ARHGEF10L: variants seen among roughly 807,000 people sequenced by gnomAD.
The protein encoded by ARHGEF10L is Rho guanine nucleotide exchange factor 10 like, also known as rho guanine nucleotide exchange factor 10-like protein.
ARHGEF10L carries 69 observed loss-of-function variants against 141.2 expected under a neutral mutation model. The ratio of observed to expected loss-of-function variants is 0.49; its 90% CI spans 0.40 to 0.60. The LOEUF (loss-of-function observed/expected upper bound fraction) is 0.60. Ranked by LOEUF, ARHGEF10L falls within the 20% of genes least tolerant of loss-of-function variation. The pLI is 0.00. For synonymous variants in ARHGEF10L, 711 were observed against 718.5 expected, an observed-to-expected ratio of 0.99 and a Z score of 0.17; for missense variants, 1,482 against 1,734.3, an observed-to-expected ratio of 0.85 and a Z score of 2.58.
intron 15 of ARHGEF10L, among the ~76,000 whole-genome samples, chr1:17,628,106 G>A (rs1025668356): frequency 2.0e-5 from 3 of 152,076 alleles, no homozygotes; most frequent in African/African-American, 7.2e-5. Context: ...GGGAGGCTGA[G>A]GCAGGCAGAT....
chr1:17,611,522 ATCTG>A (rs1184157795), intron 7 of ARHGEF10L, among the ~76,000 whole-genome samples: 2 of 151,002 alleles, frequency 1.3e-5, no homozygotes, highest in Non-Finnish European at 1.5e-5. Flanking sequence ...CAGGTGCCTC[ATCTG>A]TCTGTATATC....
chr1:17,527,808 G>A, the ARHGEF10L span, among the ~76,000 whole-genome samples: 4 of 151,746 alleles, frequency 2.6e-5, no homozygotes, highest in Non-Finnish European at 5.9e-5. Flanking sequence ...GTAGGTGACT[G>A]GGAGGCGAGG....
intron 19 of ARHGEF10L, 21 bp downstream of exon 19, chr1:17,638,024 T>A: frequency 6.4e-7 from 1 of 1,554,776 alleles, no homozygotes; most frequent in Non-Finnish European, 8.7e-7. Flanking sequence ...TGGCCTGACC[T>A]TTTTGGCCTG....
chr1:17,556,521 C>T (rs1247786117), intron 1 of ARHGEF10L, among the ~76,000 whole-genome samples: 1 of 152,142 alleles, frequency 6.6e-6, no homozygotes, highest in East Asian at 1.9e-4. Flanking sequence ...TTGGCCACAC[C>T]CTGGTTTGCT....
At chr1:17,557,421 C>T (rs768943454) in intron 1 of ARHGEF10L, among the ~76,000 whole-genome samples, 19 of 152,064 alleles carry the variant, frequency 1.2e-4, no homozygotes, top group Non-Finnish European at 2.2e-4. Context: ...GGGTTGGTGA[C>T]GGGCTCTGTG....
intron 2 of ARHGEF10L, among the ~76,000 whole-genome samples, chr1:17,585,224 T>C (rs2078925454): frequency 6.6e-6 from 1 of 152,156 alleles, no homozygotes; most frequent in African/African-American, 2.4e-5. Context: ...GCCCTTTCTG[T>C]CAGCGCAGGG....
chr1:17,525,791 T>G, the ARHGEF10L span, among the ~76,000 whole-genome samples: 2 of 151,722 alleles, frequency 1.3e-5, no homozygotes, highest in Non-Finnish European at 2.9e-5. Context: ...CCACTTGAGA[T>G]TGGGAGTCTG....
At chr1:17,551,242 A>G (rs1163155990) in intron 1 of ARHGEF10L, among the ~76,000 whole-genome samples, 1 of 152,184 alleles carries the variant, frequency 6.6e-6, no homozygotes, top group Admixed American at 6.5e-5. Flanking sequence ...GCACTGGGCA[A>G]GGAACTGGAG....
chr1:17,515,512 C>T, the ARHGEF10L span, among the ~76,000 whole-genome samples: 1 of 151,640 alleles, frequency 6.6e-6, no homozygotes, highest in South Asian at 2.1e-4. Context: ...GTTGGCCAGG[C>T]TGGTCTTGAA....
At chr1:17,538,824 T>C (rs2076621899), upstream of ARHGEF10L, among the ~76,000 whole-genome samples, 1 of 152,126 alleles carries the variant, frequency 6.6e-6, no homozygotes, top group Non-Finnish European at 1.5e-5. Flanking sequence ...CCAGGAGTAA[T>C]TGCTGATAAG....
chr1:17,552,327 G>C (rs191763638), intron 1 of ARHGEF10L, among the ~76,000 whole-genome samples: 2 of 152,276 alleles, frequency 1.3e-5, no homozygotes, highest in African/African-American at 4.8e-5. Context: ...TGACCAATAG[G>C]ACTGAAGTAA....
In ARHGEF10L at chr1:17,616,012, G is replaced by A. The variant is rs184187396; in HGVS notation, c.727-82G>A. 2.1e-3 allele frequency: 2,452 copies of A among 1,186,370 alleles called. 5 individuals carry two copies. The highest frequency in any genetic ancestry group is 4.1e-3 in the Middle Eastern group (21 of 5,126). 73.5% of individuals were successfully genotyped at this position (1,186,370 alleles called of 1,614,324 possible). ...TGGGTGGTTCTGATCTCTGCAGGCC[G>A]AGGCCTGGGGAGGCGGGTGGCCCTC... On this transcript the variant is annotated intron_variant, in intron 8 of 28. Coordinates refer to ENST00000361221, the MANE Select transcript of ARHGEF10L (RefSeq NM_018125.4).
intron 27 of ARHGEF10L, chr1:17,691,311 G>T: frequency 3.5e-6 from 1 of 286,960 alleles, no homozygotes; most frequent in South Asian, 2.9e-5. Flanking sequence ...GGTGGAGGGG[G>T]AGGGGGAAGG....
chr1:17,645,226 A>G (rs2061528258), intron 21 of ARHGEF10L, among the ~76,000 whole-genome samples: 1 of 152,110 alleles, frequency 6.6e-6, no homozygotes, highest in African/African-American at 2.4e-5. Flanking sequence ...TTCAATTTTC[A>G]GCGACAGCAG....
chr1:17,672,273 T>G (rs548734875), intron 26 of ARHGEF10L, among the ~76,000 whole-genome samples: 1 of 146,722 alleles, frequency 6.8e-6, no homozygotes, highest in Non-Finnish European at 1.5e-5. Flanking sequence ...CTGTTGTAAA[T>G]CTATCATACG....
intron 1 of ARHGEF10L, among the ~76,000 whole-genome samples, chr1:17,540,831 C>T (rs1220173797): frequency 6.6e-6 from 1 of 152,204 alleles, no homozygotes; most frequent in African/African-American, 2.4e-5. Context: ...AGCCACGCCC[C>T]ACCTGCCGGG....
At position 17,607,687 on chromosome 1, in the gene ARHGEF10L, A is replaced by G; in HGVS notation, c.434-115A>G. ...GTAGAGCTGGAGCCCCAGGGCCCCC[A>G]TGTTCTCCCTGACCCCCCCTCGCCC... On this transcript the variant is annotated intron_variant, in intron 6 of 28. Transcript: ENST00000361221. This position sits in a 1 kb window ranked among gnomAD's most constrained non-coding sequence, Gnocchi z 4.5. 9.2e-7 allele frequency: 1 copy of G among 1,092,574 alleles called. No individual in the cohort carries two copies. The highest frequency in any genetic ancestry group is 1.2e-6 in the Non-Finnish European group (1 of 815,658). The allele number at this position is 1,092,574 out of a possible 1,614,324, so 67.7% of individuals were successfully genotyped here.
chr1:17,680,677 G>A (rs1036361138), intron 26 of ARHGEF10L, among the ~76,000 whole-genome samples: 1 of 151,654 alleles, frequency 6.6e-6, no homozygotes, highest in African/African-American at 2.4e-5. Flanking sequence ...AGGAGACTGA[G>A]TCACTGGGTA....
At position 17,603,115 on chromosome 1, in the gene ARHGEF10L, G is replaced by A. The variant is rs1037038989; in HGVS notation, c.350-393G>A. 2.0e-5 allele frequency among the ~76,000 whole-genome samples: 3 copies of A among 152,092 alleles called. No homozygotes were observed. Among genetic ancestry groups the A allele is most frequent in the African/African-American group, 7.2e-5 (3 of 41,416 alleles). ...TCAGGGGTGGGGGCTGGTTTTCCAA[G>A]TCCTAGCACTGCTCAGTGACGAGGG... is the stretch of plus-strand genomic sequence containing the variant. On this transcript the variant is annotated intron_variant, in intron 5 of 28. Coordinates refer to ENST00000361221, the MANE Select transcript of ARHGEF10L (RefSeq NM_018125.4). The surrounding 1 kb of genome is among the most constrained non-coding windows in gnomAD (Gnocchi z 4.8).
Sources: gnomAD v4.1 joint callset for allele counts (sites outside exome capture counted in the v4.1 genomes callset) on GRCh38, gnomAD v4.1.1 for gene constraint, Gnocchi (gnomAD v3.1) non-coding constraint, MANE v1.5 for transcripts, NCBI Gene and HGNC (gene_info 2026-07-23, HGNC 2026-07-21) for gene names.